The following SIAH1 variants were observed in gnomAD, a reference collection of about 807,000 sequenced individuals.
SIAH1 encodes siah E3 ubiquitin protein ligase 1.
SIAH1 carries 2 observed loss-of-function variants against 20.0 expected under a neutral mutation model. The ratio of observed to expected loss-of-function variants is 0.10; its 90% CI spans 0.04 to 0.31. SIAH1 has a LOEUF of 0.31. Among genes scored for constraint, SIAH1 ranks in the 10% least tolerant of loss-of-function variants. The pLI is 1.00. For synonymous variants in SIAH1, 118 were observed against 125.3 expected (o/e 0.94, Z 0.39); for missense variants, 119 against 355.3 (o/e 0.33, Z 5.35).
At chr16:48,385,806 G>A (rs1418965874), upstream of SIAH1, among the ~76,000 whole-genome samples, 2 of 152,130 alleles carry the variant, frequency 1.3e-5, no homozygotes, top group African/African-American at 2.4e-5. Context: ...GCTGGCCGCC[G>A]CCGCGGCCTT....
chr16:48,384,835 CG>C (rs1309622529), intron 1 of SIAH1, among the ~76,000 whole-genome samples: 1 of 146,324 alleles, frequency 6.8e-6, no homozygotes, highest in Non-Finnish European at 1.5e-5. Flanking sequence ...CACGAGGGCG[CG>C]GGGCGCGCCG....
At chr16:48,363,391 G>C (rs1212573657) in intron 1 of SIAH1, 1 of 167,062 alleles carries the variant, frequency 6.0e-6, no homozygotes, top group Non-Finnish European at 1.5e-5. Context: ...CCCACCTCAA[G>C]AGTGAGGGGA....
intron 1 of SIAH1, chr16:48,366,038 T>G: frequency 2.2e-6 from 1 of 457,252 alleles, no homozygotes; most frequent in Non-Finnish European, 3.0e-6. Context: ...GGTGGGGCCG[T>G]GCCCGCAAGC....
At chr16:48,384,601 G>C (rs573782398) in intron 1 of SIAH1, among the ~76,000 whole-genome samples, 5 of 152,040 alleles carry the variant, frequency 3.3e-5, no homozygotes, top group Admixed American at 1.3e-4. Flanking sequence ...TGAAGCCTCC[G>C]GCCGAAGCGG....
chr16:48,362,598 T>G lies in SIAH1; in HGVS notation c.-2-168A>C, dbSNP rs1046502891. ...AGATATTAAAAAAATAAAATTACAC[T>G]GAATGTGCACTTTATTAGGATCTGT... On this transcript the variant is annotated intron_variant, in intron 1 of 1. Coordinates refer to ENST00000394725, the MANE Select transcript of SIAH1 (RefSeq NM_003031.4). This position sits in a 1 kb window ranked among gnomAD's most constrained non-coding sequence, Gnocchi z 4.2. The G allele has an allele frequency of 1.5e-6, 1 of 670,640 alleles. No individual in the cohort carries two copies. The highest frequency in any genetic ancestry group is 1.8e-5 in the African/African-American group (1 of 54,872). 41.5% of individuals were successfully genotyped at this position (670,640 alleles called of 1,614,324 possible).
At position 48,362,563 on chromosome 16, in the gene SIAH1, G is replaced by T; in HGVS notation, c.-2-133C>A. Reference sequence around the variant, plus strand: ...ACTGAGCAAAAGAGGAAGAAAAATAGGATTAAAAAAGATATTAAAAAAATA... The same window carrying T: ...ACTGAGCAAAAGAGGAAGAAAAATATGATTAAAAAAGATATTAAAAAAATA... On this transcript the variant is annotated intron_variant, in intron 1 of 1. Transcript: ENST00000394725. The surrounding 1 kb of genome is among the most constrained non-coding windows in gnomAD (Gnocchi z 4.2). 1 of 859,158 alleles carries T rather than the reference G, an allele frequency of 1.2e-6. No individual in the cohort carries two copies. Among genetic ancestry groups the T allele is most frequent in the Non-Finnish European group, 1.8e-6 (1 of 559,758 alleles). 53.2% of individuals were successfully genotyped at this position (859,158 alleles called of 1,614,324 possible). A position where few individuals can be genotyped will look rare whatever the true frequency, so the allele number is the denominator to read the frequency against.
intron 1 of SIAH1, among the ~76,000 whole-genome samples, chr16:48,376,198 T>G (rs973663420): frequency 2.0e-5 from 3 of 152,160 alleles, no homozygotes; most frequent in Non-Finnish European, 4.4e-5. Flanking sequence ...AGTTTGGGGG[T>G]GAGGAGGGAT....
In SIAH1 at chr16:48,374,271, A is replaced by T. The variant is rs115183023; in HGVS notation, c.-3+10933T>A. Reference sequence around the variant, plus strand: ...ATACAGTGCCTGGCACATAGTACAGACTCCAATAAATATTTTTTGGATGAA... The same window carrying T: ...ATACAGTGCCTGGCACATAGTACAGTCTCCAATAAATATTTTTTGGATGAA... On this transcript the variant is annotated intron_variant, in intron 1 of 1. Coordinates refer to ENST00000394725, the MANE Select transcript of SIAH1 (RefSeq NM_003031.4). 7.5e-3 allele frequency among the ~76,000 whole-genome samples: 1,147 copies of T among 152,304 alleles called. 16 individuals are homozygous for T. The highest frequency in any genetic ancestry group is 0.026 in the African/African-American group (1,079 of 41,558).
chr16:48,377,511 T>C (rs528367633), intron 1 of SIAH1, among the ~76,000 whole-genome samples: 1 of 151,100 alleles, frequency 6.6e-6, no homozygotes, highest in Admixed American at 6.6e-5. Flanking sequence ...TGCCTCAGCC[T>C]CCGAGTAGCT....
At chr16:48,385,046 G>A (rs191324932) in intron 1 of SIAH1, among the ~76,000 whole-genome samples, 158 bp downstream of exon 1, 2,528 of 148,622 alleles carry the variant, frequency 0.017, 59 homozygotes, top group African/African-American at 0.056. Flanking sequence ...TCGACCGGGC[G>A]GCCCGACTCC....
At chr16:48,384,822 C>G (rs1437606528) in intron 1 of SIAH1, among the ~76,000 whole-genome samples, 1 of 149,100 alleles carries the variant, frequency 6.7e-6, no homozygotes, top group Non-Finnish European at 1.5e-5. Flanking sequence ...CAACAAAGGC[C>G]GGCACGAGGG....
intron 1 of SIAH1, among the ~76,000 whole-genome samples, chr16:48,382,133 T>C (rs1961312481): frequency 6.6e-6 from 1 of 152,150 alleles, no homozygotes; most frequent in South Asian, 2.1e-4. Context: ...TCTCAGCACT[T>C]TGGGAGTCCG....
intron 1 of SIAH1, among the ~76,000 whole-genome samples, chr16:48,378,578 T>G (rs980759713): frequency 6.6e-6 from 1 of 152,246 alleles, no homozygotes; most frequent in Non-Finnish European, 1.5e-5. Context: ...TTTTTCCATA[T>G]GTATTTAGGC....
chr16:48,363,399 G>A (rs996346614), intron 1 of SIAH1: 1 of 167,026 alleles, frequency 6.0e-6, no homozygotes, highest in Non-Finnish European at 1.5e-5. Flanking sequence ...AAGAGTGAGG[G>A]GATGTACTCG....
At chr16:48,377,780 TA>T (rs1961152068) in intron 1 of SIAH1, among the ~76,000 whole-genome samples, 2 of 151,626 alleles carry the variant, frequency 1.3e-5, no homozygotes, top group African/African-American at 4.8e-5. Context: ...GAATAAGACT[TA>T]AAAAACAAAA....
chr16:48,375,442 C>T (rs1961084248), intron 1 of SIAH1, among the ~76,000 whole-genome samples: 1 of 152,090 alleles, frequency 6.6e-6, no homozygotes, highest in African/African-American at 2.4e-5. Context: ...GAGTTGGAGA[C>T]CAGCCTGGCC....
intron 1 of SIAH1, among the ~76,000 whole-genome samples, chr16:48,377,107 A>G (rs1961129142): frequency 6.6e-6 from 1 of 152,246 alleles, no homozygotes; most frequent in Non-Finnish European, 1.5e-5. Context: ...ACAAAATTCA[A>G]GACTGGCATT....
intron 1 of SIAH1, chr16:48,365,472 C>T (rs769067068): frequency 2.1e-5 from 34 of 1,613,162 alleles, no homozygotes; most frequent in Admixed American, 5.0e-5. Flanking sequence ...TAGCCTTTCC[C>T]GTCATGAGAA....
chr16:48,363,658 G>A (rs1480552889), intron 1 of SIAH1: 1 of 167,328 alleles, frequency 6.0e-6, no homozygotes, highest in East Asian at 1.9e-4. Context: ...GGGGGTGGGG[G>A]ATGGAGTCAA....
Sources: gnomAD v4.1 joint callset for allele counts (sites outside exome capture counted in the v4.1 genomes callset) on GRCh38, gnomAD v4.1.1 for gene constraint, Gnocchi (gnomAD v3.1) non-coding constraint, MANE v1.5 for transcripts, NCBI Gene and HGNC (gene_info 2026-07-23, HGNC 2026-07-21) for gene names.